Variants in VCPKMT observed in about 807,000 individuals in gnomAD.
VCPKMT encodes the protein protein N-lysine methyltransferase METTL21D.
A neutral mutation model predicts 28.6 loss-of-function variants in VCPKMT; 32 were observed. The ratio of observed to expected loss-of-function variants is 1.12; its 90% CI spans 0.84 to 1.50. VCPKMT has a LOEUF of 1.50. Ranked by LOEUF, VCPKMT falls within the 40% of genes most tolerant of loss-of-function variation. The probability of loss-of-function intolerance (pLI) is 0.00; values close to 1 mark genes in which losing one functional copy is unlikely to be tolerated. For synonymous variants in VCPKMT, 138 were observed against 111.4 expected (o/e 1.24, Z -1.50); for missense variants, 366 against 285.0 (o/e 1.28, Z -2.05).
intron 5 of VCPKMT, among the ~76,000 whole-genome samples, chr14:50,110,047 C>A (rs1260043680): frequency 6.6e-6 from 1 of 152,136 alleles, no homozygotes; most frequent in Non-Finnish European, 1.5e-5. Context: ...GAGTTCGACA[C>A]AAGCCTGGCC....
chr14:50,106,050 CT>C (rs1882309681), downstream of VCPKMT, among the ~76,000 whole-genome samples: 1 of 152,146 alleles, frequency 6.6e-6, no homozygotes, highest in African/African-American at 2.4e-5. Flanking sequence ...ATACTTTCTT[CT>C]TTCTTTGCTC....
chr14:50,112,052 T>G (rs1248837388), intron 5 of VCPKMT: 1 of 985,068 alleles, frequency 1.0e-6, no homozygotes, highest in Non-Finnish European at 1.2e-6. Context: ...CATTTATCTT[T>G]TATGGACTCA....
In VCPKMT at chr14:50,116,538, C is replaced by A; in HGVS notation, c.15G>T (p.Leu5=). 6.2e-7 allele frequency: 1 copy of A among 1,610,380 alleles called. No individual in the cohort carries two copies. Among genetic ancestry groups the A allele is most frequent in the Non-Finnish European group, 8.5e-7 (1 of 1,178,046 alleles). ...GCAGTGGGTCCTCCAGCGAGGACTCCAGCGTATCCGCCATTGCGCCCGGCA... is the reference window on the plus strand; with the variant it reads ...GCAGTGGGTCCTCCAGCGAGGACTCAAGCGTATCCGCCATTGCGCCCGGCA... MADT[L]ESSLEDPLRS... Residue 5 remains leucine, a synonymous_variant, in exon 1 of 6, where the codon CTG becomes CTT. Transcript: ENST00000395860.
At position 50,111,182 on chromosome 14, in the gene VCPKMT, CG is replaced by C. The variant is rs1566804957; in HGVS notation, c.675+1432del. The C allele has an allele frequency of 4.1e-4, 354 of 861,476 alleles. 8 individuals are homozygous for C. The Admixed American group carries it at 0.064, about 156-fold the overall frequency. 53.4% of individuals were successfully genotyped at this position (861,476 alleles called of 1,614,324 possible). ...AAAAATAAGAGTTTTTTTTTTTGGC[CG>C]AAAAAAAAAAAAAAGCCTCTATATT... On this transcript the variant is annotated intron_variant, in intron 5 of 5. Transcript: ENST00000395860.
chr14:50,113,807 GGGTGA>G (rs1293846739), intron 4 of VCPKMT, among the ~76,000 whole-genome samples: 3 of 90,562 alleles, frequency 3.3e-5, no homozygotes, highest in African/African-American at 1.2e-4. Context: ...GGGGGGGGGG[GGGTGA>G]CACTGAGGCA....
At chr14:50,111,297 A>C in intron 5 of VCPKMT, 1 of 985,286 alleles carries the variant, frequency 1.0e-6, no homozygotes, top group Non-Finnish European at 1.2e-6. Context: ...CTTAAAGCAC[A>C]AAACAGTTTT....
At chr14:50,113,738 T>C (rs2139439532) in intron 4 of VCPKMT, among the ~76,000 whole-genome samples, 1 of 135,932 alleles carries the variant, frequency 7.4e-6, no homozygotes, top group African/African-American at 2.8e-5. Context: ...TACAAAAAAA[T>C]ACAAAAAGTT....
chr14:50,109,266 C>G lies in VCPKMT; in HGVS notation c.*433G>C, dbSNP rs1228336961. On this transcript the variant is annotated 3_prime_UTR_variant, in exon 6 of 6. Transcript: ENST00000395860. ...GTACAAAATGAAAACCTTTTAAACT[C>G]TGAAGACAAACTAAAATTTACTAGT... 1.0e-6 allele frequency: 1 copy of G among 972,036 alleles called. No individual in the cohort carries two copies. Among genetic ancestry groups the G allele is most frequent in the Non-Finnish European group, 1.2e-6 (1 of 817,124 alleles). The allele number at this position is 972,036 out of a possible 1,614,324, so 60.2% of individuals were successfully genotyped here.
chr14:50,107,586 C>T (rs370020731), downstream of VCPKMT, among the ~76,000 whole-genome samples: 64 of 152,276 alleles, frequency 4.2e-4, no homozygotes, highest in South Asian at 0.013. Context: ...CGTGAGCCAC[C>T]GCGCGTGGGG....
At chr14:50,113,530 A>T (rs1882849721) in intron 4 of VCPKMT, 1 of 140,244 alleles carries the variant, frequency 7.1e-6, no homozygotes, top group Non-Finnish European at 1.5e-5. Context: ...AAGAAGAGTG[A>T]CAGATACATA....
chr14:50,112,090 A>T, intron 5 of VCPKMT: 1 of 983,764 alleles, frequency 1.0e-6, no homozygotes, highest in Non-Finnish European at 1.2e-6. Flanking sequence ...CATTTCCTGT[A>T]AACAATTTTT....
chr14:50,111,132 T>G, intron 5 of VCPKMT: 10 of 939,130 alleles, frequency 1.1e-5, no homozygotes, highest in Non-Finnish European at 1.3e-5. Context: ...GCGTGAATTT[T>G]ATGGTATGTG....
downstream of VCPKMT, among the ~76,000 whole-genome samples, chr14:50,107,020 TCC>T (rs1882349036): frequency 2.0e-5 from 3 of 152,238 alleles, no homozygotes; most frequent in African/African-American, 7.2e-5. Flanking sequence ...TCACCCAGCC[TCC>T]TCCTGTGGTT....
At chr14:50,107,536 A>G (rs1187985305), downstream of VCPKMT, among the ~76,000 whole-genome samples, 1 of 151,992 alleles carries the variant, frequency 6.6e-6, no homozygotes, top group African/African-American at 2.4e-5. Context: ...CTGGTCTCCA[A>G]CTCCCGACCT....
In VCPKMT at chr14:50,115,901, T is replaced by C; in HGVS notation, c.388A>G (p.Ile130Val). The C allele has an allele frequency of 6.2e-7, 1 of 1,613,514 alleles. No homozygotes were observed. Among genetic ancestry groups the C allele is most frequent in the Non-Finnish European group, 8.5e-7 (1 of 1,179,492 alleles). The change falls in exon 3 of 6, where the codon ATA (isoleucine) becomes GTA (valine). Residue 130 changes from isoleucine (I) to valine (V), a missense_variant. Ile to Val is a conservative substitution (Grantham distance 29, BLOSUM62 3). Coordinates refer to ENST00000395860, the MANE Select transcript of VCPKMT (RefSeq NM_024558.3). ...QAKVLKWGEEIEGFPSPPDFI... is the reference protein window; with the variant it reads ...QAKVLKWGEEVEGFPSPPDFI... ...TCGGGTGGAGAAGGAAAGCCTTCTA[T>C]TTCTTCCCCCCTTAAAAATGCCAAA...
chr14:50,114,675 C>A (rs1432915960), intron 3 of VCPKMT, among the ~76,000 whole-genome samples: 2 of 152,124 alleles, frequency 1.3e-5, no homozygotes, highest in Non-Finnish European at 2.9e-5. Flanking sequence ...AACCACCCCC[C>A]GCAACACCTT....
chr14:50,114,728 T>C (rs1233219109), intron 3 of VCPKMT, among the ~76,000 whole-genome samples: 1 of 152,204 alleles, frequency 6.6e-6, no homozygotes, highest in Admixed American at 6.5e-5. Flanking sequence ...TGCACACCTA[T>C]AGTCCCAGCT....
At chr14:50,109,739 A>G in intron 5 of VCPKMT, 26 bp from the exon 6 acceptor site, 14 of 1,592,316 alleles carry the variant, frequency 8.8e-6, no homozygotes, top group Non-Finnish European at 1.2e-5. Context: ...AGGAAACTTA[A>G]AAGATTGATT....
chr14:50,108,566 G>C (rs987831724), downstream of VCPKMT: 3 of 971,778 alleles, frequency 3.1e-6, no homozygotes, highest in Non-Finnish European at 3.7e-6. Context: ...AAATAGGGCT[G>C]CTTTTGCTCC....
Sources: gnomAD v4.1 joint callset for allele counts (sites outside exome capture counted in the v4.1 genomes callset) on GRCh38, gnomAD v4.1.1 for gene constraint, MANE v1.5 for transcripts, NCBI Gene and HGNC (gene_info 2026-07-23, HGNC 2026-07-21) for gene names.